Variants in NRG2 observed in about 807,000 individuals in gnomAD.
NRG2 encodes neuregulin 2.
Under a neutral mutation model 73.9 loss-of-function variants are expected in NRG2, and 27 were observed. That is an observed-to-expected ratio of 0.37 (90% CI 0.27 to 0.50). NRG2 has a LOEUF of 0.50. Ranked by LOEUF, NRG2 falls within the 20% of genes least tolerant of loss-of-function variation. NRG2 has a pLI of 0.96. For missense variants in NRG2, 1,126 were observed against 1,210.1 expected (o/e 0.93, Z 1.03); for synonymous variants, 532 against 541.0 (o/e 0.98, Z 0.23).
intron 3 of NRG2, among the ~76,000 whole-genome samples, chr5:139,872,206 G>T (rs536645249): frequency 1.3e-5 from 2 of 152,198 alleles, no homozygotes; most frequent in South Asian, 4.1e-4. Context: ...CCCTGCAAGT[G>T]GTTGAAATGC....
chr5:140,033,240 C>G (rs927245913), intron 1 of NRG2, among the ~76,000 whole-genome samples: 3 of 152,166 alleles, frequency 2.0e-5, no homozygotes, highest in Non-Finnish European at 4.4e-5. Flanking sequence ...CAGGATGAGT[C>G]AAGGACCCTA....
At chr5:139,960,349 T>C (rs532739316) in intron 1 of NRG2, among the ~76,000 whole-genome samples, 2 of 152,236 alleles carry the variant, frequency 1.3e-5, no homozygotes, top group East Asian at 1.9e-4. Context: ...ACCCAGTTTC[T>C]ACTAAAAATA....
intron 1 of NRG2, among the ~76,000 whole-genome samples, chr5:140,033,627 C>A (rs1311096747): frequency 6.6e-6 from 1 of 152,196 alleles, no homozygotes; most frequent in Non-Finnish European, 1.5e-5. Context: ...TTCTCACCAC[C>A]ACCTCCACCA....
At chr5:139,902,247 C>T in intron 1 of NRG2, among the ~76,000 whole-genome samples, 1 of 152,230 alleles carries the variant, frequency 6.6e-6, no homozygotes, top group East Asian at 1.9e-4. Flanking sequence ...GGATACCAAG[C>T]CTCAGACCCA....
intron 3 of NRG2, among the ~76,000 whole-genome samples, chr5:139,877,074 C>T (rs1045617550): frequency 6.6e-6 from 1 of 152,128 alleles, no homozygotes; most frequent in African/African-American, 2.4e-5. Context: ...TCCTCTGGGG[C>T]AAAGCCTGAC....
chr5:139,855,527 C>A, intron 6 of NRG2, 149 bp downstream of exon 6: 1 of 671,508 alleles, frequency 1.5e-6, no homozygotes, highest in Non-Finnish European at 2.6e-6. Context: ...CGACACCCAC[C>A]CAGCTACAGA....
intron 1 of NRG2, among the ~76,000 whole-genome samples, chr5:139,972,852 A>C (rs759774552): frequency 1.3e-5 from 2 of 152,246 alleles, no homozygotes; most frequent in Admixed American, 6.5e-5. Context: ...AAAGATAAAT[A>C]CCTCAACAGA....
Position 139,853,942 on chromosome 5 carries a change from G to A in NRG2, c.1293-915C>T, listed in dbSNP as rs1190681890. 6.6e-6 allele frequency among the ~76,000 whole-genome samples: 1 copy of A among 152,140 alleles called. No homozygotes were observed. The highest frequency in any genetic ancestry group is 1.5e-5 in the Non-Finnish European group (1 of 68,030). On this transcript the variant is annotated intron_variant, in intron 6 of 9. Coordinates refer to ENST00000361474, the MANE Select transcript of NRG2 (RefSeq NM_004883.3). The surrounding 1 kb of genome is among the most constrained non-coding windows in gnomAD (Gnocchi z 4.1). ...GATTGCTTGTAACACAAAGGTCCAC[G>A]AGGACCCATCAGTTTGCTCAAGGTC...
At chr5:139,939,835 C>CA (rs896954939) in intron 1 of NRG2, among the ~76,000 whole-genome samples, 2 of 151,358 alleles carry the variant, frequency 1.3e-5, no homozygotes, top group African/African-American at 2.4e-5. Flanking sequence ...GACACTTGAC[C>CA]AAAAAAAATA....
At chr5:139,903,917 A>G (rs1309969664) in intron 1 of NRG2, among the ~76,000 whole-genome samples, 1 of 152,216 alleles carries the variant, frequency 6.6e-6, no homozygotes, top group Admixed American at 6.5e-5. Flanking sequence ...GAAGGCAGTG[A>G]CAGCTCCCGG....
chr5:139,988,416 A>G (rs1177175438), intron 1 of NRG2, among the ~76,000 whole-genome samples: 2 of 152,132 alleles, frequency 1.3e-5, no homozygotes, highest in Non-Finnish European at 2.9e-5. Context: ...TCATTAGAGG[A>G]ATGAATAAAC....
At chr5:139,967,726 C>T (rs1019537506) in intron 1 of NRG2, among the ~76,000 whole-genome samples, 1 of 152,104 alleles carries the variant, frequency 6.6e-6, no homozygotes. Context: ...GTAATCCTAG[C>T]ACTCTGGGAG....
At chr5:139,874,356 C>A (rs949228994) in intron 3 of NRG2, among the ~76,000 whole-genome samples, 1 of 152,248 alleles carries the variant, frequency 6.6e-6, no homozygotes, top group East Asian at 1.9e-4. Context: ...CTGTGCTCTG[C>A]ACCATCTGCC....
intron 1 of NRG2, among the ~76,000 whole-genome samples, chr5:139,922,822 G>A (rs1751772794): frequency 6.6e-6 from 1 of 152,126 alleles, no homozygotes; most frequent in Admixed American, 6.6e-5. Context: ...AAACTTAAAT[G>A]TATATTACTA....
At chr5:139,898,582 A>C (rs879463988) in intron 1 of NRG2, among the ~76,000 whole-genome samples, 1 of 152,312 alleles carries the variant, frequency 6.6e-6, no homozygotes, top group Non-Finnish European at 1.5e-5. Flanking sequence ...CCCGAGGCAA[A>C]GCCTGTGACC....
intron 1 of NRG2, among the ~76,000 whole-genome samples, chr5:140,009,644 C>T (rs898408878): frequency 1.3e-5 from 2 of 152,190 alleles, no homozygotes; most frequent in Non-Finnish European, 2.9e-5. Context: ...TGTCCCACAT[C>T]CTTGCCAGCT....
At chr5:139,858,010 C>T (rs1459664654) in intron 5 of NRG2, among the ~76,000 whole-genome samples, 1 of 152,186 alleles carries the variant, frequency 6.6e-6, no homozygotes, top group Non-Finnish European at 1.5e-5. Flanking sequence ...CACCCTGCCC[C>T]CAGCCCAGGC....
In NRG2 at chr5:139,847,733, C is replaced by A. The variant is rs1250994069; in HGVS notation, c.*184G>T. On this transcript the variant is annotated 3_prime_UTR_variant, in exon 10 of 10. Transcript: ENST00000361474. ...AGTTTCCCTATAAAAACGCCTTTGC[C>A]GTTAGCTAGTATTATAAGACAATTT... The A allele has an allele frequency of 9.6e-6, 4 of 415,818 alleles. No homozygotes were observed. In the East Asian group the frequency reaches 1.5e-4, roughly 15 times the overall value. 25.8% of individuals were successfully genotyped at this position (415,818 alleles called of 1,614,324 possible).
chr5:140,015,381 C>T (rs1366772269), intron 1 of NRG2, among the ~76,000 whole-genome samples: 1 of 151,984 alleles, frequency 6.6e-6, no homozygotes, highest in Non-Finnish European at 1.5e-5. Flanking sequence ...ATGATAGATG[C>T]CTACAAAATA....
Sources: allele counts gnomAD v4.1 joint callset (sites outside exome capture counted in the v4.1 genomes callset), GRCh38; gene constraint gnomAD v4.1.1; non-coding constraint Gnocchi (gnomAD v3.1); transcripts MANE v1.5; gene names NCBI Gene and HGNC (gene_info 2026-07-23, HGNC 2026-07-21).